Variants in TMEFF1 observed in about 807,000 individuals in gnomAD.
TMEFF1 encodes the protein transmembrane protein with EGF like and two follistatin like domains 1, also known as tomoregulin-1.
In TMEFF1, 20 loss-of-function variants were observed where a neutral mutation model predicts 47.5. The ratio of observed to expected loss-of-function variants is 0.42; its 90% confidence interval spans 0.30 to 0.61. The LOEUF is 0.61. Ranked by LOEUF, TMEFF1 falls within the 20% of genes least tolerant of loss-of-function variation. The pLI, the probability that TMEFF1 is intolerant of heterozygous loss-of-function variation, is 0.19. For synonymous variants in TMEFF1, 162 were observed against 166.3 expected (o/e 0.97, Z 0.20); for missense variants, 411 against 471.1 (o/e 0.87, Z 1.18).
Position 100,576,649 on chromosome 9 carries a change from G to A in TMEFF1, c.*49G>A, listed in dbSNP as rs752370532. ...TGACCATGTGATGTACATTTATTAT[G>A]TCTTTTTTTAAAGAATGGAAATATT... On this transcript the variant is annotated 3_prime_UTR_variant, in exon 10 of 10. Coordinates refer to ENST00000374879, the MANE Select transcript of TMEFF1 (RefSeq NM_003692.5). The A allele has an allele frequency of 1.3e-6, 2 of 1,546,126 alleles. No individual in the cohort carries two copies. Among genetic ancestry groups the A allele is most frequent in the South Asian group, 2.4e-5 (2 of 81,940 alleles).
Position 100,497,320 on chromosome 9 carries a change from C to CTTTTTTTTTTTTTTTTTTTTTTTTT in TMEFF1, c.197-1421_197-1420insTTTTTTTTTTTTTTTTTTTTTTTTT, listed in dbSNP as rs752427622. On this transcript the variant is annotated intron_variant, in intron 1 of 9. Coordinates refer to ENST00000374879, the MANE Select transcript of TMEFF1 (RefSeq NM_003692.5). ...TCTTGCTTTAAGTTTCCACTCATGT[C>CTTTTTTTTTTTTTTTTTTTTTTTTT]TTTTTTTTTTTTTTTTTTTTTTTTG... Among the ~76,000 whole-genome samples, 31 of 59,548 alleles carry CTTTTTTTTTTTTTTTTTTTTTTTTT rather than the reference C, an allele frequency of 5.2e-4. 1 individual carries two copies. Among genetic ancestry groups the CTTTTTTTTTTTTTTTTTTTTTTTTT allele is most frequent in the East Asian group, 1.1e-3 (2 of 1,834 alleles). 39.1% of individuals were successfully genotyped at this position (59,548 alleles called of 152,430 possible).
chr9:100,491,312 G>A (rs986304787), intron 1 of TMEFF1, among the ~76,000 whole-genome samples: 2 of 152,110 alleles, frequency 1.3e-5, no homozygotes, highest in Non-Finnish European at 2.9e-5. Flanking sequence ...GATTGGATTG[G>A]TTTGCTTTTC....
In TMEFF1 at chr9:100,561,441, C is replaced by A. The variant is rs138537435; in HGVS notation, c.820C>A (p.Pro274Thr). Residue 274 changes from proline to threonine, a missense_variant, in exon 8 of 10, where the codon CCT becomes ACT. Transcript: ENST00000374879. ...REDVYIGNHM[P>T]CPENLNGYCI... The stretch of plus-strand genomic sequence containing the variant: ...AGATGTTTATATTGGAAACCACATG[C>A]CTTGCCCTGAAAACCTCAATGGTTA... The A allele has an allele frequency of 2.8e-5, 45 of 1,613,684 alleles. No individual in the cohort carries two copies. The highest frequency in any genetic ancestry group is 3.8e-5 in the Non-Finnish European group (45 of 1,179,836).
intron 9 of TMEFF1, among the ~76,000 whole-genome samples, chr9:100,574,235 T>G (rs1839305956): frequency 6.6e-6 from 1 of 152,166 alleles, no homozygotes; most frequent in Non-Finnish European, 1.5e-5. Flanking sequence ...TATTAATGAG[T>G]CATCTGAAAA....
chr9:100,557,143 A>G (rs907172556), intron 7 of TMEFF1, among the ~76,000 whole-genome samples: 6 of 151,430 alleles, frequency 4.0e-5, no homozygotes, highest in Non-Finnish European at 2.9e-5. Context: ...TTCCATTTAC[A>G]TGCCATTAAG....
At chr9:100,531,672 T>C (rs1838380982) in intron 5 of TMEFF1, among the ~76,000 whole-genome samples, 1 of 151,944 alleles carries the variant, frequency 6.6e-6, no homozygotes, top group African/African-American at 2.4e-5. Flanking sequence ...CCAAGGTAAT[T>C]TACAGATTCA....
intron 8 of TMEFF1, among the ~76,000 whole-genome samples, chr9:100,571,422 A>G (rs2118578212): frequency 6.6e-6 from 1 of 152,298 alleles, no homozygotes; most frequent in Non-Finnish European, 1.5e-5. Context: ...CTGTTTTGAA[A>G]TTATATGTAT....
intron 1 of TMEFF1, among the ~76,000 whole-genome samples, chr9:100,494,767 C>T (rs987698551): frequency 4.6e-5 from 7 of 152,166 alleles, no homozygotes; most frequent in African/African-American, 1.7e-4. Context: ...CCAAGGTAGG[C>T]AATTAGCAGT....
chr9:100,526,121 G>C (rs570673757), intron 5 of TMEFF1, among the ~76,000 whole-genome samples: 2 of 152,302 alleles, frequency 1.3e-5, no homozygotes, highest in South Asian at 2.1e-4. Flanking sequence ...CGAGCTGTGA[G>C]ACAAATTTCC....
chr9:100,532,771 A>G (rs1209215737), intron 5 of TMEFF1, among the ~76,000 whole-genome samples: 2 of 152,108 alleles, frequency 1.3e-5, no homozygotes, highest in Non-Finnish European at 2.9e-5. Context: ...TCATGCTGCT[A>G]TAAAGACACA....
At chr9:100,533,356 C>G (rs1323056179) in intron 5 of TMEFF1, among the ~76,000 whole-genome samples, 2 of 151,540 alleles carry the variant, frequency 1.3e-5, no homozygotes, top group Admixed American at 6.6e-5. Context: ...TTTTTTAGAA[C>G]TTGATAGAAT....
intron 2 of TMEFF1, among the ~76,000 whole-genome samples, chr9:100,506,296 A>G (rs1457600242): frequency 2.0e-5 from 3 of 152,212 alleles, no homozygotes; most frequent in African/African-American, 7.2e-5. Flanking sequence ...CCATGAAGAC[A>G]GGTAATGTGA....
At chr9:100,519,348 C>A (rs578140966) in intron 5 of TMEFF1, among the ~76,000 whole-genome samples, 21 of 152,134 alleles carry the variant, frequency 1.4e-4, no homozygotes, top group African/African-American at 4.6e-4. Flanking sequence ...GCAGAGGTTT[C>A]AGTGAGCCAA....
intron 1 of TMEFF1, among the ~76,000 whole-genome samples, chr9:100,482,667 A>G (rs1223003621): frequency 6.6e-6 from 1 of 152,202 alleles, no homozygotes; most frequent in Non-Finnish European, 1.5e-5. Flanking sequence ...ATCTTCTGCT[A>G]GAGATGGTGG....
rs540023907 is a variant in TMEFF1 at position 100,551,005 on chromosome 9, A to T, written c.775+845A>T. On this transcript the variant is annotated intron_variant, in intron 7 of 9. Coordinates refer to ENST00000374879, the MANE Select transcript of TMEFF1 (RefSeq NM_003692.5). ...ACTGCTCTTTGATAGGTAAGGACCA[A>T]TGGGAAGATTGAGGATCAATGAGGT... Among the ~76,000 whole-genome samples, 3 of 152,236 alleles carry T rather than the reference A, an allele frequency of 2.0e-5. No individual in the cohort carries two copies. The East Asian group carries it at 5.8e-4, about 29-fold the overall frequency.
At chr9:100,492,606 A>G (rs574065402) in intron 1 of TMEFF1, among the ~76,000 whole-genome samples, 70 of 152,312 alleles carry the variant, frequency 4.6e-4, no homozygotes, top group African/African-American at 1.6e-3. Flanking sequence ...AAGTTCTAAG[A>G]GTGTTATTGA....
Position 100,473,712 on chromosome 9 carries a change from C to A in TMEFF1, c.168C>A (p.Gly56=), listed in dbSNP as rs1837164031. 1 of 1,529,840 alleles carries A rather than the reference C, an allele frequency of 6.5e-7. No individual in the cohort carries two copies. The highest frequency in any genetic ancestry group is 2.5e-5 in the East Asian group (1 of 39,232). 94.8% of individuals were successfully genotyped at this position (1,529,840 alleles called of 1,614,324 possible). A position where few individuals can be genotyped will look rare whatever the true frequency, so the allele number is the denominator to read the frequency against. ...GCGGCAGCGGCGGGGACTGTCCCGG[C>A]GGCAAAGGCAAGAGCATCAACTGCT... The part of the protein sequence containing the change: ...GGGGSGGDCP[G]GKGKSINCSE... The change falls in exon 1 of 10, where the codon GGC becomes GGA. Residue 56 remains glycine, a synonymous_variant. Transcript: ENST00000374879. The surrounding 1 kb of genome is among the most constrained non-coding windows in gnomAD (Gnocchi z 5.4).
chr9:100,565,171 C>T (rs577195459), intron 8 of TMEFF1, among the ~76,000 whole-genome samples: 20 of 152,224 alleles, frequency 1.3e-4, no homozygotes, highest in East Asian at 5.8e-4. Context: ...TGAAGACATA[C>T]ATTTGAGAAT....
chr9:100,530,705 A>G (rs1016959116), intron 5 of TMEFF1, among the ~76,000 whole-genome samples: 2 of 152,218 alleles, frequency 1.3e-5, no homozygotes, highest in Non-Finnish European at 2.9e-5. Context: ...CAATCAATAG[A>G]AAAAGAGGGA....
Sources: gnomAD v4.1 joint callset for allele counts (sites outside exome capture counted in the v4.1 genomes callset) on GRCh38, gnomAD v4.1.1 for gene constraint, Gnocchi (gnomAD v3.1) non-coding constraint, MANE v1.5 for transcripts, NCBI Gene and HGNC (gene_info 2026-07-23, HGNC 2026-07-21) for gene names.